The following ZNF280C variants were observed in gnomAD, a reference collection of about 807,000 sequenced individuals.
ZNF280C encodes the protein suppressor of hairy wing homolog 3.
Under a neutral mutation model 53.6 loss-of-function variants are expected in ZNF280C, and 14 were observed. The ratio of observed to expected loss-of-function variants is 0.26; its 90% CI spans 0.17 to 0.41. The LOEUF is 0.41. Among genes scored for constraint, ZNF280C ranks in the 10% least tolerant of loss-of-function variants. The probability of loss-of-function intolerance (pLI) is 1.00; values close to 1 mark genes in which losing one functional copy is unlikely to be tolerated. For missense variants in ZNF280C, 416 were observed against 547.1 expected, an observed-to-expected ratio of 0.76 and a Z score of 2.39; for synonymous variants, 203 against 181.1, an observed-to-expected ratio of 1.12 and a Z score of -0.97.
At chrX:130,266,307 A>G (rs1485938771) in intron 1 of ZNF280C, among the ~76,000 whole-genome samples, 1 of 111,658 alleles carries the variant, frequency 9.0e-6, no homozygotes, top group African/African-American at 3.3e-5. Context: ...ATAGAAACAG[A>G]GAGTAGAAAG....
intron 2 of ZNF280C, among the ~76,000 whole-genome samples, chrX:130,253,736 C>T (rs2032537655): frequency 8.9e-6 from 1 of 112,041 alleles, no homozygotes; most frequent in Non-Finnish European, 1.9e-5. Context: ...GGACCCCTTC[C>T]TTACACCATA....
intron 16 of ZNF280C, among the ~76,000 whole-genome samples, chrX:130,207,504 G>A (rs752809716): frequency 1.5e-3 from 163 of 110,682 alleles, no homozygotes; most frequent in Non-Finnish European, 1.0e-3. Flanking sequence ...GATTACAGGC[G>A]CACACCACCA....
chrX:130,233,093 G>C (rs1440948003), intron 8 of ZNF280C, among the ~76,000 whole-genome samples: 1 of 111,521 alleles, frequency 9.0e-6, no homozygotes, highest in Non-Finnish European at 1.9e-5. Context: ...AAGAAAATAA[G>C]ACAGTCACAG....
rs193020352 is a variant in ZNF280C at position 130,217,011 on chromosome X, A to T, written c.1528-910T>A. 1.7e-3 allele frequency among the ~76,000 whole-genome samples: 185 copies of T among 111,646 alleles called. 1 individual carries two copies. Among genetic ancestry groups the T allele is most frequent in the African/African-American group, 5.9e-3 (182 of 30,760 alleles). Reference sequence around the variant, plus strand: ...CAAGACTCCGTCTCAAAAACAAAACAAAACAAAAGAACAAAAAAAGAAAAA... The same window carrying T: ...CAAGACTCCGTCTCAAAAACAAAACTAAACAAAAGAACAAAAAAAGAAAAA... On this transcript the variant is annotated intron_variant, in intron 13 of 18. Coordinates refer to ENST00000370978, the MANE Select transcript of ZNF280C (RefSeq NM_017666.5).
At chrX:130,255,852 G>A (rs2032565296) in intron 2 of ZNF280C, among the ~76,000 whole-genome samples, 1 of 112,109 alleles carries the variant, frequency 8.9e-6, no homozygotes, top group African/African-American at 3.2e-5. Flanking sequence ...CTGCTTGGGA[G>A]GCAGAGGCAC....
chrX:130,234,367 G>A (rs2032310046), intron 8 of ZNF280C, among the ~76,000 whole-genome samples: 1 of 111,619 alleles, frequency 9.0e-6, no homozygotes, highest in Admixed American at 9.5e-5. Flanking sequence ...GTCCTAAAGA[G>A]CAACACCATG....
At chrX:130,254,805 G>C (rs2032548703) in intron 2 of ZNF280C, among the ~76,000 whole-genome samples, 1 of 110,739 alleles carries the variant, frequency 9.0e-6, no homozygotes, top group African/African-American at 3.3e-5. Context: ...AATAACTCAT[G>C]AGTACTAGGC....
chrX:130,226,702 T>C (rs1045546003), intron 12 of ZNF280C, 57 bp downstream of exon 12: 129 of 1,115,531 alleles, frequency 1.2e-4, no homozygotes, highest in Non-Finnish European at 1.5e-4. Context: ...TCTATACATA[T>C]AGATCTATAT....
chrX:130,264,614 G>C (rs2032669181), intron 1 of ZNF280C, among the ~76,000 whole-genome samples: 1 of 110,368 alleles, frequency 9.1e-6, no homozygotes, highest in African/African-American at 3.3e-5. Flanking sequence ...TAGAAATGAA[G>C]GTACTGAAAG....
At chrX:130,231,983 C>T (rs1187913561) in intron 8 of ZNF280C, among the ~76,000 whole-genome samples, 1 of 105,061 alleles carries the variant, frequency 9.5e-6, no homozygotes, top group Non-Finnish European at 1.9e-5. Flanking sequence ...GCTGAGGTCG[C>T]GCCACTGCAC....
chrX:130,209,535 TGGTCCAA>T, intron 16 of ZNF280C, 111 bp downstream of exon 16: 1 of 618,717 alleles, frequency 1.6e-6, no homozygotes, highest in Non-Finnish European at 2.6e-6. Context: ...CCTCCAACTT[TGGTCCAA>T]GGACATAATA....
At chrX:130,244,044 A>G (rs1334070131) in intron 3 of ZNF280C, among the ~76,000 whole-genome samples, 179 bp from the exon 4 acceptor site, 1 of 111,578 alleles carries the variant, frequency 9.0e-6, no homozygotes. Context: ...CCCTTCCCCA[A>G]CCCTGTGCCA....
chrX:130,240,507 C>T (rs1458744361), intron 5 of ZNF280C, among the ~76,000 whole-genome samples: 1 of 111,887 alleles, frequency 8.9e-6, no homozygotes, highest in African/African-American at 3.2e-5. Flanking sequence ...CAAGTGCAAT[C>T]TTACCACAAA....
chrX:130,245,791 T>TC (rs1425349345), intron 3 of ZNF280C, among the ~76,000 whole-genome samples: 1 of 109,949 alleles, frequency 9.1e-6, no homozygotes, highest in African/African-American at 3.3e-5. Flanking sequence ...GGACTTTTTT[T>TC]TTTTCTTTTT....
chrX:130,252,404 T>C (rs2032523534), intron 2 of ZNF280C, among the ~76,000 whole-genome samples: 1 of 111,232 alleles, frequency 9.0e-6, no homozygotes, highest in Admixed American at 9.6e-5. Context: ...ATCAATAAAA[T>C]TCAACACCCC....
chrX:130,231,196 A>G (rs1158904923), intron 8 of ZNF280C, among the ~76,000 whole-genome samples: 1 of 111,522 alleles, frequency 9.0e-6, no homozygotes, highest in Admixed American at 9.5e-5. Flanking sequence ...TGACCCAGCA[A>G]TCTCATCACT....
At chrX:130,245,593 A>G (rs2032441661) in intron 3 of ZNF280C, among the ~76,000 whole-genome samples, 1 of 111,418 alleles carries the variant, frequency 9.0e-6, no homozygotes, top group Admixed American at 9.6e-5. Context: ...AGGATTTCAG[A>G]AAATTTAAAA....
chrX:130,251,538 C>T (rs986959644), intron 2 of ZNF280C, among the ~76,000 whole-genome samples: 37 of 110,806 alleles, frequency 3.3e-4, no homozygotes, highest in African/African-American at 1.2e-3. Flanking sequence ...GCCAATCTTC[C>T]AAAGTATTAA....
intron 13 of ZNF280C, among the ~76,000 whole-genome samples, chrX:130,216,334 T>C (rs768647846): frequency 1.8e-5 from 2 of 111,895 alleles, no homozygotes; most frequent in Non-Finnish European, 3.8e-5. Context: ...TATCTCAAAA[T>C]GTATTAAAGA....
Sources: allele counts gnomAD v4.1 joint callset (sites outside exome capture counted in the v4.1 genomes callset), GRCh38; gene constraint gnomAD v4.1.1; transcripts MANE v1.5; gene names NCBI Gene and HGNC (gene_info 2026-07-23, HGNC 2026-07-21).